Variants in LIME1 observed in about 807,000 individuals in gnomAD.
The protein encoded by LIME1 is lck-interacting transmembrane adapter 1.
LIME1 carries 23 observed loss-of-function variants against 18.8 expected under a neutral mutation model. That is an observed-to-expected ratio of 1.22 (90% CI 0.88 to 1.73). The LOEUF (loss-of-function observed/expected upper bound fraction) is 1.73. Among genes scored for constraint, LIME1 ranks in the 40% most tolerant of loss-of-function variants. The probability of loss-of-function intolerance (pLI) is 0.00; values close to 1 mark genes in which losing one functional copy is unlikely to be tolerated. For synonymous variants in LIME1, 177 were observed against 182.3 expected (o/e 0.97, Z 0.23); for missense variants, 423 against 396.8 (o/e 1.07, Z -0.56).
chr20:63,738,878 C>CCCTCCCTG lies in LIME1; in HGVS notation c.877_884dup (p.Ter296ProfsTer27), dbSNP rs561268653. 1,264 of 1,606,862 alleles carry CCCTCCCTG rather than the reference C, an allele frequency of 7.9e-4. 2 individuals carry two copies. Among genetic ancestry groups the CCCTCCCTG allele is most frequent in the Non-Finnish European group, 9.5e-4 (1,118 of 1,177,294 alleles). On this transcript the variant is annotated frameshift_variant, in exon 6 of 6. Transcript: ENST00000309546. LOFTEE classifies it high-confidence loss of function. ...CCCAGCCTAGGGAGGGGCTGGAGACCCCTCCCTGCCTCCCTGCCCTGAACA... is the reference window on the plus strand; with the variant it reads ...CCCAGCCTAGGGAGGGGCTGGAGACCCCTCCCTGCCTCCCTGCCTCCCTGCCCTGAACA...
chr20:63,738,116 C>G (rs1376949210), intron 4 of LIME1, 56 bp downstream of exon 4: 1 of 1,523,144 alleles, frequency 6.6e-7, no homozygotes, highest in Non-Finnish European at 8.8e-7. Context: ...CAGCGCGTGC[C>G]AACCCCTGGG....
chr20:63,736,885 T>G, intron 1 of LIME1, 173 bp downstream of exon 1: 1 of 986,164 alleles, frequency 1.0e-6, no homozygotes, highest in Non-Finnish European at 1.2e-6. Context: ...CTGTGCTGTT[T>G]GTAAGGCATC....
chr20:63,737,795 C>A lies in LIME1; in HGVS notation c.99-26C>A, dbSNP rs774264602. 7 of 1,309,700 alleles carry A rather than the reference C, an allele frequency of 5.3e-6. No individual in the cohort carries two copies. In the East Asian group the frequency reaches 1.9e-4, roughly 35 times the overall value. 81.1% of individuals were successfully genotyped at this position (1,309,700 alleles called of 1,614,324 possible). On this transcript the variant is annotated intron_variant, in intron 2 of 5. Transcript: ENST00000309546. ...TGGACCCGAGGCTGACGACCCCGCC[C>A]CCCGCCCCCCACCTCTACCCCCAAG...
At chr20:63,738,092 C>T (rs2092017161) in intron 4 of LIME1, 32 bp downstream of exon 4, 1 of 1,032,672 alleles carries the variant, frequency 9.7e-7, no homozygotes, top group Non-Finnish European at 1.4e-6. Flanking sequence ...GGCGGCCGGG[C>T]GGGGCTTACT....
rs138923752 is a variant in LIME1 at position 63,738,647 on chromosome 20, G to T, written c.635G>T (p.Gly212Val). The T allele has an allele frequency of 6.2e-7, 1 of 1,609,146 alleles. No homozygotes were observed. Among genetic ancestry groups the T allele is most frequent in the East Asian group, 2.2e-5 (1 of 44,802 alleles). The stretch of plus-strand genomic sequence containing the variant: ...TGCAAGCCTAAAAGGAGGGACCCAG[G>T]ACCCACCACAGACCCGCTGGACCCC... ...RVCKPKRRDP[G>V]PTTDPLDPKG... is the part of the protein sequence containing the mutation. The change falls in exon 6 of 6, where the codon GGA becomes GTA. Residue 212 changes from glycine to valine, a missense_variant. Gly to Val is a moderately radical substitution (Grantham distance 109, BLOSUM62 -3). Transcript: ENST00000309546.
intron 2 of LIME1, 44 bp from the exon 3 acceptor site, chr20:63,737,777 G>C: frequency 7.0e-7 from 1 of 1,424,960 alleles, no homozygotes; most frequent in Non-Finnish European, 9.2e-7. Flanking sequence ...CCTTGGACCC[G>C]AGGCTGACGA....
At chr20:63,737,129 T>C (rs959539972) in intron 1 of LIME1, 10 of 996,188 alleles carry the variant, frequency 1.0e-5, no homozygotes, top group Non-Finnish European at 1.2e-5. Flanking sequence ...TTGGGGGCAC[T>C]ACCTGACACA....
chr20:63,737,260 T>C, intron 1 of LIME1: 1 of 1,207,724 alleles, frequency 8.3e-7, no homozygotes, highest in Non-Finnish European at 1.0e-6. Flanking sequence ...GTCTTGCCCC[T>C]CCTCACGGCC....
At position 63,736,695 on chromosome 20, in the gene LIME1, C is replaced by G; in HGVS notation, c.-35C>G. Reference sequence around the variant, plus strand: ...GGCCTGCCCCAGACAGAGCTGAGGACCCCTGGCCGTGGGCTTGGTAAGTGC... The same window carrying G: ...GGCCTGCCCCAGACAGAGCTGAGGAGCCCTGGCCGTGGGCTTGGTAAGTGC... On this transcript the variant is annotated 5_prime_UTR_variant, in exon 1 of 6. Transcript: ENST00000309546. The G allele has an allele frequency of 2.0e-6, 2 of 985,650 alleles. No individual in the cohort carries two copies. Among genetic ancestry groups the G allele is most frequent in the Non-Finnish European group, 2.4e-6 (2 of 830,120 alleles). 61.1% of individuals were successfully genotyped at this position (985,650 alleles called of 1,614,324 possible). A position where few individuals can be genotyped will look rare whatever the true frequency, so the allele number is the denominator to read the frequency against.
At chr20:63,737,213 G>A (rs1342505513) in intron 1 of LIME1, 3 of 1,087,612 alleles carry the variant, frequency 2.8e-6, no homozygotes, top group Non-Finnish European at 3.3e-6. Flanking sequence ...GGGCTCCCCC[G>A]ATGCTGGTTA....
rs1345461309 is a variant in LIME1, at chr20:63,737,305, CGGAG to C, written c.-17-225_-17-222del. On this transcript the variant is annotated intron_variant, in intron 1 of 5. Transcript: ENST00000309546. ...GTTACCGTGGTCACCCGCAGGGACA[CGGAG>C]GGGCCAGGCAGAGCAGCCCTAGTTC... 30 of 1,263,648 alleles carry C rather than the reference CGGAG, an allele frequency of 2.4e-5. No individual in the cohort carries two copies. In the Admixed American group the frequency reaches 6.1e-4, roughly 26 times the overall value. The allele number at this position is 1,263,648 out of a possible 1,614,324, so 78.3% of individuals were successfully genotyped here. A position where few individuals can be genotyped will look rare whatever the true frequency, so the allele number is the denominator to read the frequency against.
chr20:63,738,366 C>T lies in LIME1; in HGVS notation c.452C>T (p.Ala151Val), dbSNP rs2092020237. Residue 151 changes from alanine to valine, a missense_variant, in exon 5 of 6, where the codon GCG (alanine) becomes GTG (valine). Physicochemically the swap from Ala to Val is moderately conservative, Grantham distance 64 (BLOSUM62 0). Transcript: ENST00000309546. Reference sequence around the variant, plus strand: ...GCCACCTATTCCAACGTGGGGCTGGCGGCCCTTCCCGGGGTCAGCCTGGCG... The same window carrying T: ...GCCACCTATTCCAACGTGGGGCTGGTGGCCCTTCCCGGGGTCAGCCTGGCG... ...LEATYSNVGL[A>V]ALPGVSLAAS... The T allele has an allele frequency of 1.3e-6, 2 of 1,553,996 alleles. No homozygotes were observed. Among genetic ancestry groups the T allele is most frequent in the East Asian group, 2.4e-5 (1 of 41,672 alleles).
At position 63,738,957 on chromosome 20, in the gene LIME1, C is replaced by A; in HGVS notation, c.*57C>A. 1.4e-6 allele frequency: 2 copies of A among 1,412,654 alleles called. No individual in the cohort carries two copies. Among genetic ancestry groups the A allele is most frequent in the East Asian group, 2.6e-5 (1 of 39,020 alleles). 87.5% of individuals were successfully genotyped at this position (1,412,654 alleles called of 1,614,324 possible). ...GTGAGGCCCGTCCCCCGCCCCGCCC[C>A]GCCTCACAGCTGACAGCGCCAGTCC... On this transcript the variant is annotated 3_prime_UTR_variant, in exon 6 of 6. Coordinates refer to ENST00000309546, the MANE Select transcript of LIME1 (RefSeq NM_017806.4).
Position 63,738,341 on chromosome 20 carries a change from G to GC in LIME1, c.429dup (p.Thr144HisfsTer46). 6.4e-7 allele frequency: 1 copy of GC among 1,558,284 alleles called. No individual in the cohort carries two copies. The highest frequency in any genetic ancestry group is 8.7e-7 in the Non-Finnish European group (1 of 1,154,022). On this transcript the variant is annotated frameshift_variant, in exon 5 of 6. Coordinates refer to ENST00000309546, the MANE Select transcript of LIME1 (RefSeq NM_017806.4). LOFTEE classifies it high-confidence loss of function. Reference sequence around the variant, plus strand: ...CACCGCAGGGTGCGCTGGCCTCGAGGCCACCTATTCCAACGTGGGGCTGGC... The same window carrying GC: ...CACCGCAGGGTGCGCTGGCCTCGAGGCCCACCTATTCCAACGTGGGGCTGGC...
chr20:63,735,712 G>A, upstream of LIME1: 1 of 1,545,700 alleles, frequency 6.5e-7, no homozygotes, highest in South Asian at 1.2e-5. Context: ...CACACAGGCA[G>A]TGGGTACGGC....
upstream of LIME1, chr20:63,736,448 G>A: frequency 4.2e-6 from 1 of 235,296 alleles, no homozygotes. Context: ...TGCCAGCTCT[G>A]CTCACGTCTT....
At position 63,738,602 on chromosome 20, in the gene LIME1, A is replaced by T; in HGVS notation, c.590A>T (p.Asp197Val). ...GGGTTGGCTTCCTGTCTCCAGGTGG[A>T]CGTCCTGTACTCCAGGGTCTGCAAG... ...KTEVTPAAQV[D>V]VLYSRVCKPK... Residue 197 changes from aspartate (D) to valine (V), a missense_variant, in exon 6 of 6, where the codon GAC becomes GTC. Physicochemically the swap from Asp to Val is radical, Grantham distance 152. Coordinates refer to ENST00000309546, the MANE Select transcript of LIME1 (RefSeq NM_017806.4). 6.5e-7 allele frequency: 1 copy of T among 1,549,244 alleles called. No homozygotes were observed. The highest frequency in any genetic ancestry group is 8.7e-7 in the Non-Finnish European group (1 of 1,148,848).
rs2092004719 is a variant in LIME1, at chr20:63,737,533, G to A, written c.-17G>A. 4.6e-6 allele frequency: 7 copies of A among 1,529,872 alleles called. No individual in the cohort carries two copies. In the Middle Eastern group the frequency reaches 8.8e-4, roughly 193 times the overall value. The allele number at this position is 1,529,872 out of a possible 1,614,324, so 94.8% of individuals were successfully genotyped here. ...CAGCGCCCCTTTCTTCTGTCCCCAG[G>A]GCCTCGGCTTCACAGGATGGGGCTG... On this transcript the variant is annotated splice_region_variant and 5_prime_UTR_variant, in exon 2 of 6. Coordinates refer to ENST00000309546, the MANE Select transcript of LIME1 (RefSeq NM_017806.4).
At chr20:63,736,087 C>T, upstream of LIME1, 1 of 939,022 alleles carries the variant, frequency 1.1e-6, no homozygotes, top group South Asian at 1.7e-5. Context: ...GCCCACCTGC[C>T]AGTGTCTTGG....
Sources: gnomAD v4.1 joint callset for allele counts on GRCh38, gnomAD v4.1.1 for gene constraint, MANE v1.5 for transcripts, NCBI Gene and HGNC (gene_info 2026-07-23, HGNC 2026-07-21) for gene names.